The following SLC45A3 variants were observed in gnomAD, a reference collection of about 807,000 sequenced individuals.
The protein encoded by SLC45A3 is prostate cancer associated protein 2.
A neutral mutation model predicts 35.3 loss-of-function variants in SLC45A3; 17 were observed. The ratio of observed to expected loss-of-function variants is 0.48; its 90% confidence interval spans 0.33 to 0.72. The LOEUF (loss-of-function observed/expected upper bound fraction) is 0.72. SLC45A3 is among the 30% of genes least tolerant of loss of function. The probability of loss-of-function intolerance (pLI) is 0.02; values close to 1 mark genes in which losing one functional copy is unlikely to be tolerated. For synonymous variants in SLC45A3, 288 were observed against 334.3 expected, an observed-to-expected ratio of 0.86 and a Z score of 1.51; for missense variants, 597 against 731.7, an observed-to-expected ratio of 0.82 and a Z score of 2.12.
chr1:205,662,898 T>G lies in SLC45A3; in HGVS notation c.893A>C (p.Glu298Ala). The part of the protein sequence containing the change: ...FTLFYTDFVG[E>A]GLYQGVPRAE... Reference sequence around the variant, plus strand: ...TCTGGGCACGCCCTGGTACAGCCCCTCGCCCACGAAATCCGTGTAAAACAG... The same window carrying G: ...TCTGGGCACGCCCTGGTACAGCCCCGCGCCCACGAAATCCGTGTAAAACAG... Residue 298 changes from glutamate (E) to alanine (A), a missense_variant, in exon 3 of 5, where the codon GAG becomes GCG. By Grantham distance (107) the Glu-to-Ala change is moderately radical (BLOSUM62 -1). Transcript: ENST00000367145. This position sits in a 1 kb window ranked among gnomAD's most constrained non-coding sequence, Gnocchi z 6.2. The G allele has an allele frequency of 6.2e-7, 1 of 1,612,610 alleles. No individual in the cohort carries two copies. Among genetic ancestry groups the G allele is most frequent in the Non-Finnish European group, 8.5e-7 (1 of 1,179,784 alleles).
chr1:205,664,621 C>T lies in SLC45A3; in HGVS notation c.36G>A (p.Arg12=), dbSNP rs767515769. The change falls in exon 2 of 5, where the codon CGG becomes CGA. Residue 12 remains arginine (R), a synonymous_variant. Coordinates refer to ENST00000367145, the MANE Select transcript of SLC45A3 (RefSeq NM_033102.3). This position sits in a 1 kb window ranked among gnomAD's most constrained non-coding sequence, Gnocchi z 5.3. ...CCAGCAAGAGCTGGGCTTTCCGGTG[C>T]CGCAGCAGGCGGCTCACCCACAGCC... The part of the protein sequence containing the change: ...VQRLWVSRLL[R]HRKAQLLLVN... The T allele has an allele frequency of 6.2e-7, 1 of 1,614,252 alleles. No individual in the cohort carries two copies. Among genetic ancestry groups the T allele is most frequent in the Non-Finnish European group, 8.5e-7 (1 of 1,180,032 alleles).
At position 205,662,238 on chromosome 1, in the gene SLC45A3, A is replaced by C. The variant is rs1434958589; in HGVS notation, c.959-112T>G. ...ACCTGCTGCACGAGACCTGCTGTGG[A>C]CCAGCCCTGCTCCCCAGCACCCTTC... On this transcript the variant is annotated intron_variant, in intron 3 of 4. Transcript: ENST00000367145. This position sits in a 1 kb window ranked among gnomAD's most constrained non-coding sequence, Gnocchi z 6.2. 1 of 1,466,532 alleles carries C rather than the reference A, an allele frequency of 6.8e-7. No homozygotes were observed. The allele number at this position is 1,466,532 out of a possible 1,614,324, so 90.8% of individuals were successfully genotyped here.
rs748429832 is a variant in SLC45A3, at chr1:205,662,116, C to T, written c.969G>A (p.Met323Ile). The change falls in exon 4 of 5, where the codon ATG (methionine) becomes ATA (isoleucine). Residue 323 changes from methionine (M) to isoleucine (I), a missense_variant. Around this residue, in one of 3 missense-constraint regions of SLC45A3, gnomAD observed 555 missense variants for 664.9 expected, o/e 0.83. Transcript: ENST00000367145. This position sits in a 1 kb window ranked among gnomAD's most constrained non-coding sequence, Gnocchi z 6.2. Reference sequence around the variant, plus strand: ...ACTGCAGGAACAGCCCCAGGCTGCCCATCCGAACGCCTGCAGAGGGAGAGG... The same window carrying T: ...ACTGCAGGAACAGCCCCAGGCTGCCTATCCGAACGCCTGCAGAGGGAGAGG... ...ARRHYDEGVR[M>I]GSLGLFLQCA... The T allele has an allele frequency of 6.2e-7, 1 of 1,612,562 alleles. No homozygotes were observed.
At chr1:205,663,691 G>T in intron 2 of SLC45A3, 73 bp from the exon 3 acceptor site, 1 of 1,413,858 alleles carries the variant, frequency 7.1e-7, no homozygotes, top group Non-Finnish European at 9.5e-7. Context: ...ACCAAGCTCC[G>T]TGAGAAGGAT....
intron 1 of SLC45A3, among the ~76,000 whole-genome samples, chr1:205,672,456 TACTA>T (rs933693062): frequency 1.3e-5 from 2 of 152,212 alleles, no homozygotes; most frequent in Admixed American, 6.5e-5. Context: ...GGCCGACCCC[TACTA>T]ACTGCCTCAG....
intron 4 of SLC45A3, among the ~76,000 whole-genome samples, chr1:205,660,155 G>A (rs1216108111): frequency 6.6e-6 from 1 of 152,046 alleles, no homozygotes; most frequent in East Asian, 1.9e-4. Context: ...GCCCGGTGCA[G>A]AGAAGCTCTG....
At chr1:205,674,533 G>A (rs1671277058) in intron 1 of SLC45A3, among the ~76,000 whole-genome samples, 1 of 145,256 alleles carries the variant, frequency 6.9e-6, no homozygotes. Flanking sequence ...GTTGCAGTGA[G>A]CTGAGATTGC....
intron 4 of SLC45A3, among the ~76,000 whole-genome samples, chr1:205,660,189 C>G (rs1245002959): frequency 6.6e-6 from 1 of 152,120 alleles, no homozygotes; most frequent in African/African-American, 2.4e-5. Context: ...CCAGATGCCA[C>G]TAGGGTAGCT....
In SLC45A3 at chr1:205,659,293, T is replaced by C. The variant is rs1260709416; in HGVS notation, c.1603A>G (p.Ile535Val). 6.2e-7 allele frequency: 1 copy of C among 1,614,032 alleles called. No homozygotes were observed. Among genetic ancestry groups the C allele is most frequent in the African/African-American group, 1.3e-5 (1 of 74,918 alleles). Reference protein sequence around the residue: ...VSAAGLGLVAIYFATQVVFDK... With the variant: ...VSAAGLGLVAVYFATQVVFDK... ...AATACTACCTGTGTAGCAAAGTAAA[T>C]GGCGACCAGACCCAGGCCTGCGGCA... is the stretch of plus-strand genomic sequence containing the variant. Residue 535 changes from isoleucine (I) to valine (V), a missense_variant, in exon 5 of 5, where the codon ATT becomes GTT. Around this residue, in one of 3 missense-constraint regions of SLC45A3, gnomAD observed 555 missense variants for 664.9 expected, o/e 0.83. Transcript: ENST00000367145. The surrounding 1 kb of genome is among the most constrained non-coding windows in gnomAD (Gnocchi z 5.8).
chr1:205,664,603 G>A lies in SLC45A3; in HGVS notation c.54C>T (p.Leu18=). 1 of 1,614,268 alleles carries A rather than the reference G, an allele frequency of 6.2e-7. No individual in the cohort carries two copies. The highest frequency in any genetic ancestry group is 8.5e-7 in the Non-Finnish European group (1 of 1,180,044). The change falls in exon 2 of 5, where the codon CTC becomes CTT. Residue 18 remains leucine, a synonymous_variant. Transcript: ENST00000367145. The surrounding 1 kb of genome is among the most constrained non-coding windows in gnomAD (Gnocchi z 5.3). ...CAAAGGTTAGCAGGTTGACCAGCAA[G>A]AGCTGGGCTTTCCGGTGCCGCAGCA... ...SRLLRHRKAQ[L]LLVNLLTFGL...
chr1:205,660,114 C>T (rs923289542), intron 4 of SLC45A3, among the ~76,000 whole-genome samples: 9 of 152,266 alleles, frequency 5.9e-5, no homozygotes, highest in African/African-American at 2.2e-4. Context: ...TTCCTGCCTG[C>T]CCTCCACTCC....
At chr1:205,672,341 G>A (rs1288731625) in intron 1 of SLC45A3, among the ~76,000 whole-genome samples, 1 of 152,172 alleles carries the variant, frequency 6.6e-6, no homozygotes, top group African/African-American at 2.4e-5. Flanking sequence ...CACTGCAGCA[G>A]ACCTGCCTGC....
intron 1 of SLC45A3, among the ~76,000 whole-genome samples, chr1:205,678,699 C>T (rs558859739): frequency 1.3e-5 from 2 of 152,328 alleles, no homozygotes; most frequent in African/African-American, 4.8e-5. Flanking sequence ...GTACATTCAT[C>T]CACAGCTGTA....
chr1:205,678,364 A>C (rs1671344604), intron 1 of SLC45A3, among the ~76,000 whole-genome samples: 1 of 152,188 alleles, frequency 6.6e-6, no homozygotes, highest in African/African-American at 2.4e-5. Context: ...ATCCATGTTG[A>C]CTTATCAGGC....
chr1:205,670,948 GAAAACCCAACA>G (rs1278337412), intron 1 of SLC45A3, among the ~76,000 whole-genome samples: 7 of 152,246 alleles, frequency 4.6e-5, no homozygotes, highest in Non-Finnish European at 8.8e-5. Flanking sequence ...CCCAATGTGT[GAAAACCCAACA>G]GGTGGCTGTG....
intron 1 of SLC45A3, among the ~76,000 whole-genome samples, chr1:205,679,685 A>AACACACACACAC (rs55762304): frequency 0.024 from 3,266 of 138,804 alleles, 68 homozygotes; most frequent in East Asian, 0.066. Context: ...GGGACACAGT[A>AACACACACACAC]ACACACACAC....
Position 205,662,953 on chromosome 1 carries a change from A to T in SLC45A3, c.838T>A (p.Cys280Ser). The stretch of plus-strand genomic sequence containing the variant: ...AAGGTCATGAGTGCCATCCAGCTGC[A>T]CAGCTCAGCCACGAAGAGCCGGCGC... ...TLRRLFVAEL[C>S]SWMALMTFTL... Residue 280 changes from cysteine to serine, a missense_variant, in exon 3 of 5, where the codon TGC (cysteine) becomes AGC (serine). By Grantham distance (112) the Cys-to-Ser change is moderately radical. Transcript: ENST00000367145. This position sits in a 1 kb window ranked among gnomAD's most constrained non-coding sequence, Gnocchi z 6.2. The T allele has an allele frequency of 6.2e-7, 1 of 1,613,714 alleles. No homozygotes were observed.
rs1671092246 is a variant in SLC45A3, at chr1:205,664,785, C to T, written c.-129G>A. The T allele has an allele frequency of 6.9e-7, 1 of 1,448,234 alleles. No homozygotes were observed. Among genetic ancestry groups the T allele is most frequent in the African/African-American group, 1.4e-5 (1 of 70,450 alleles). The allele number at this position is 1,448,234 out of a possible 1,614,324, so 89.7% of individuals were successfully genotyped here. On this transcript the variant is annotated 5_prime_UTR_variant, in exon 2 of 5. Transcript: ENST00000367145. The surrounding 1 kb of genome is among the most constrained non-coding windows in gnomAD (Gnocchi z 5.3). ...AACTGCCTAGGAATCAGCCAGGCGC[C>T]CATTTCTGCCAGCCCTTTGGTGCCG...
At chr1:205,670,938 C>T (rs1399078043) in intron 1 of SLC45A3, among the ~76,000 whole-genome samples, 4 of 152,256 alleles carry the variant, frequency 2.6e-5, no homozygotes, top group South Asian at 2.1e-4. Flanking sequence ...CCCACTCACC[C>T]CCAATGTGTG....
Sources: gnomAD v4.1 joint callset for allele counts (sites outside exome capture counted in the v4.1 genomes callset) on GRCh38, gnomAD v4.1.1 for gene constraint, gnomAD v4.1.1 regional missense constraint, Gnocchi (gnomAD v3.1) non-coding constraint, MANE v1.5 for transcripts, NCBI Gene and HGNC (gene_info 2026-07-23, HGNC 2026-07-21) for gene names.